The following PJA2 variants were observed in gnomAD, a reference collection of about 807,000 sequenced individuals.
PJA2 encodes E3 ubiquitin-protein ligase Praja-2.
Under a neutral mutation model 69.3 loss-of-function variants are expected in PJA2, and 25 were observed. The observed-to-expected ratio is 0.36, with a 90% CI of 0.26 to 0.50. The LOEUF (loss-of-function observed/expected upper bound fraction) is 0.50. Among genes scored for constraint, PJA2 ranks in the 20% least tolerant of loss-of-function variants. The probability of loss-of-function intolerance (pLI) is 0.96; values close to 1 mark genes in which losing one functional copy is unlikely to be tolerated. For synonymous variants in PJA2, 308 were observed against 277.8 expected, an observed-to-expected ratio of 1.11 and a Z score of -1.08; for missense variants, 809 against 830.2, an observed-to-expected ratio of 0.97 and a Z score of 0.31.
At chr5:109,355,595 T>C (rs1762400163) in intron 7 of PJA2, among the ~76,000 whole-genome samples, 1 of 152,234 alleles carries the variant, frequency 6.6e-6, no homozygotes, top group South Asian at 2.1e-4. Flanking sequence ...ATTTCACAAA[T>C]ACACCTGTGC....
At chr5:109,381,068 T>C (rs1255733363) in intron 3 of PJA2, among the ~76,000 whole-genome samples, 2 of 150,550 alleles carry the variant, frequency 1.3e-5, no homozygotes, top group East Asian at 3.9e-4. Context: ...TCAGCCAAGA[T>C]GCACTACTGC....
At chr5:109,373,320 A>G (rs576046526) in intron 4 of PJA2, among the ~76,000 whole-genome samples, 3 of 152,212 alleles carry the variant, frequency 2.0e-5, no homozygotes, top group Non-Finnish European at 2.9e-5. Context: ...GTGAGTAAGG[A>G]CAATTAGATG....
intron 1 of PJA2, among the ~76,000 whole-genome samples, chr5:109,408,476 T>C (rs886621005): frequency 9.9e-5 from 15 of 152,084 alleles, no homozygotes; most frequent in Non-Finnish European, 1.6e-4. Context: ...GTCCAACATA[T>C]GTAATTAAGT....
Position 109,335,471 on chromosome 5 carries a change from A to G in PJA2, c.*1760T>C, listed in dbSNP as rs183961989. The G allele has an allele frequency of 3.3e-4, 51 of 152,570 alleles. No homozygotes were observed. The highest frequency in any genetic ancestry group is 6.5e-5 in the Admixed American group (1 of 15,298). The allele number at this position is 152,570 out of a possible 1,614,324, so 9.5% of individuals were successfully genotyped here. A position where few individuals can be genotyped will look rare whatever the true frequency, so the allele number is the denominator to read the frequency against. On this transcript the variant is annotated 3_prime_UTR_variant, in exon 10 of 10. Coordinates refer to ENST00000361189, the MANE Select transcript of PJA2 (RefSeq NM_014819.5). ...ATCTAGAAGAAAACCAAGGTCCCTT[A>G]ATATAGTCTAAATATAATGTGTGGC...
At position 109,338,713 on chromosome 5, in the gene PJA2, A is replaced by G. The variant is rs114900533; in HGVS notation, c.2002-1357T>C. ...TACTTGCCATACAGATTGGGCCCCAACAATAACATTTTAGAGTCAAATAGA... is the reference window on the plus strand; with the variant it reads ...TACTTGCCATACAGATTGGGCCCCAGCAATAACATTTTAGAGTCAAATAGA... On this transcript the variant is annotated intron_variant, in intron 9 of 9. Coordinates refer to ENST00000361189, the MANE Select transcript of PJA2 (RefSeq NM_014819.5). 4.9e-3 allele frequency among the ~76,000 whole-genome samples: 741 copies of G among 152,238 alleles called. 6 individuals are homozygous for G. Among genetic ancestry groups the G allele is most frequent in the African/African-American group, 0.017 (710 of 41,506 alleles).
chr5:109,404,656 C>T (rs1747640372), intron 1 of PJA2, among the ~76,000 whole-genome samples: 1 of 152,116 alleles, frequency 6.6e-6, no homozygotes, highest in Admixed American at 6.5e-5. Context: ...TCACTGTGTT[C>T]TCATACGGCA....
At chr5:109,397,675 C>T (rs539561347) in intron 1 of PJA2, among the ~76,000 whole-genome samples, 4 of 152,108 alleles carry the variant, frequency 2.6e-5, no homozygotes, top group East Asian at 1.9e-4. Context: ...CCCGCCACTA[C>T]GCCCAGATAT....
chr5:109,364,887 C>T (rs1762562096), intron 5 of PJA2, among the ~76,000 whole-genome samples: 1 of 152,044 alleles, frequency 6.6e-6, no homozygotes, highest in Non-Finnish European at 1.5e-5. Flanking sequence ...TAAAGAGATG[C>T]TCTGCCTCAT....
intron 1 of PJA2, among the ~76,000 whole-genome samples, chr5:109,399,363 G>C (rs990252339): frequency 6.6e-6 from 1 of 152,086 alleles, no homozygotes; most frequent in African/African-American, 2.4e-5. Context: ...TCCATCTCCA[G>C]GCTAGTCAGC....
chr5:109,354,285 A>G (rs948930532), intron 7 of PJA2, among the ~76,000 whole-genome samples: 2 of 148,168 alleles, frequency 1.3e-5, no homozygotes, highest in African/African-American at 5.0e-5. Flanking sequence ...TATAGATTAG[A>G]TATCTATGAT....
At chr5:109,359,823 G>C (rs943527555) in intron 6 of PJA2, among the ~76,000 whole-genome samples, 1 of 152,124 alleles carries the variant, frequency 6.6e-6, no homozygotes, top group Non-Finnish European at 1.5e-5. Context: ...ATATAATATT[G>C]TATCAGCATT....
intron 6 of PJA2, among the ~76,000 whole-genome samples, chr5:109,357,443 A>C (rs1582596417): frequency 1.3e-5 from 2 of 152,230 alleles, no homozygotes; most frequent in East Asian, 3.8e-4. Context: ...GATACAAAGC[A>C]ACAGACATGC....
chr5:109,362,820 A>C lies in PJA2; in HGVS notation c.1652+20T>G, dbSNP rs753154942. 1 of 1,557,106 alleles carries C rather than the reference A, an allele frequency of 6.4e-7. No homozygotes were observed. Among genetic ancestry groups the C allele is most frequent in the Non-Finnish European group, 8.8e-7 (1 of 1,140,952 alleles). On this transcript the variant is annotated intron_variant, in intron 6 of 9. Coordinates refer to ENST00000361189, the MANE Select transcript of PJA2 (RefSeq NM_014819.5). ...AACTCAGAGCCTAATTAAGCATCCTAATAAAATCGTGCTACATACCTCCAA... is the reference window on the plus strand; with the variant it reads ...AACTCAGAGCCTAATTAAGCATCCTCATAAAATCGTGCTACATACCTCCAA...
At chr5:109,354,208 ATAGAT>A (rs1420681260) in intron 7 of PJA2, among the ~76,000 whole-genome samples, 8 of 148,568 alleles carry the variant, frequency 5.4e-5, no homozygotes, top group Admixed American at 2.0e-4. Context: ...AGAGATATCT[ATAGAT>A]TAGATATCTA....
chr5:109,344,895 C>A, intron 7 of PJA2, 76 bp from the exon 8 acceptor site: 1 of 869,816 alleles, frequency 1.1e-6, no homozygotes, highest in Non-Finnish European at 1.9e-6. Flanking sequence ...AGGGTATCTC[C>A]AAAATTATAT....
chr5:109,390,285 A>C (rs1747251297), intron 1 of PJA2, among the ~76,000 whole-genome samples: 1 of 151,992 alleles, frequency 6.6e-6, no homozygotes, highest in African/African-American at 2.4e-5. Flanking sequence ...ATGTGAAAAC[A>C]TATTTAGAAT....
intron 1 of PJA2, among the ~76,000 whole-genome samples, chr5:109,405,928 A>G (rs766814652): frequency 6.6e-6 from 1 of 152,204 alleles, no homozygotes. Flanking sequence ...GAAAATAAAA[A>G]AAAAACAAGC....
intron 6 of PJA2, among the ~76,000 whole-genome samples, chr5:109,358,949 C>CTTTGACTGTA (rs1454599007): frequency 6.6e-6 from 1 of 152,176 alleles, no homozygotes; most frequent in African/African-American, 2.4e-5. Flanking sequence ...AGTATCTTCA[C>CTTTGACTGTA]GCTAGAAGCC....
intron 1 of PJA2, among the ~76,000 whole-genome samples, chr5:109,407,482 G>C (rs954866208): frequency 6.6e-6 from 1 of 152,132 alleles, no homozygotes; most frequent in African/African-American, 2.4e-5. Flanking sequence ...CCCCCTTAAA[G>C]TCAGAAACAA....
Sources: gnomAD v4.1 joint callset for allele counts (sites outside exome capture counted in the v4.1 genomes callset) on GRCh38, gnomAD v4.1.1 for gene constraint, MANE v1.5 for transcripts, NCBI Gene and HGNC (gene_info 2026-07-23, HGNC 2026-07-21) for gene names.